CHD9: variants seen among roughly 807,000 people sequenced by gnomAD.
The protein encoded by CHD9 is ATP-dependent chromatin remodeler CHD9.
A neutral mutation model predicts 316.1 loss-of-function variants in CHD9; 77 were observed. The ratio of observed to expected loss-of-function variants is 0.24; its 90% CI spans 0.20 to 0.29. The LOEUF (loss-of-function observed/expected upper bound fraction) is 0.29, where lower values mean the gene tolerates loss of function less well. Ranked by LOEUF, CHD9 falls within the 10% of genes least tolerant of loss-of-function variation. The probability of loss-of-function intolerance (pLI) is 1.00; values close to 1 mark genes in which losing one functional copy is unlikely to be tolerated. For missense variants in CHD9, 2,763 were observed against 3,438.1 expected, an observed-to-expected ratio of 0.80 and a Z score of 4.91; for synonymous variants, 1,129 against 1,158.3, an observed-to-expected ratio of 0.97 and a Z score of 0.51.
intron 2 of CHD9, among the ~76,000 whole-genome samples, chr16:53,197,486 A>G (rs1187931635): frequency 6.6e-6 from 1 of 152,100 alleles, no homozygotes; most frequent in African/African-American, 2.4e-5. Flanking sequence ...TATAACTAGG[A>G]AAGTATTTTA....
At chr16:53,179,426 T>G (rs1338593077) in intron 2 of CHD9, among the ~76,000 whole-genome samples, 1 of 152,192 alleles carries the variant, frequency 6.6e-6, no homozygotes, top group Non-Finnish European at 1.5e-5. Context: ...GAGCCATGTT[T>G]ATTAATTGTT....
chr16:53,245,868 CA>C lies in CHD9; in HGVS notation c.3454+20del. 6.9e-7 allele frequency: 1 copy of C among 1,455,034 alleles called. No homozygotes were observed. The highest frequency in any genetic ancestry group is 1.6e-5 in the South Asian group (1 of 64,284). The allele number at this position is 1,455,034 out of a possible 1,614,324, so 90.1% of individuals were successfully genotyped here. A position where few individuals can be genotyped will look rare whatever the true frequency, so the allele number is the denominator to read the frequency against. On this transcript the variant is annotated intron_variant, in intron 15 of 38. Coordinates refer to ENST00000447540, the MANE Select transcript of CHD9 (RefSeq NM_001308319.2). This position sits in a 1 kb window ranked among gnomAD's most constrained non-coding sequence, Gnocchi z 4.1. Reference sequence around the variant, plus strand: ...TATAAAAGGTAGCTAAAAAAGATTACAACAAATATGTTTTTTCTTGCAACAA... The same window carrying C: ...TATAAAAGGTAGCTAAAAAAGATTACACAAATATGTTTTTTCTTGCAACAA...
intron 2 of CHD9, among the ~76,000 whole-genome samples, chr16:53,193,523 AT>A (rs1460349897): frequency 6.6e-6 from 1 of 152,062 alleles, no homozygotes. Flanking sequence ...TTGAATTTGT[AT>A]TTCCCTAATG....
intron 1 of CHD9, among the ~76,000 whole-genome samples, chr16:53,063,321 G>A (rs2033130253): frequency 6.7e-6 from 1 of 149,924 alleles, no homozygotes. Flanking sequence ...CCAGATTTGT[G>A]CTCTAAATTG....
chr16:53,200,428 A>T (rs576854042), intron 2 of CHD9, among the ~76,000 whole-genome samples: 7 of 151,734 alleles, frequency 4.6e-5, no homozygotes, highest in African/African-American at 1.7e-4. Flanking sequence ...GGATACCTGT[A>T]ATCCCCGCTA....
At chr16:53,079,282 G>C (rs1197162054) in intron 1 of CHD9, among the ~76,000 whole-genome samples, 5 of 152,118 alleles carry the variant, frequency 3.3e-5, no homozygotes, top group African/African-American at 1.2e-4. Context: ...GGTAAGCTGT[G>C]GTCAGCTTGG....
chr16:53,228,939 G>A (rs1208089296), intron 7 of CHD9, 44 bp from the exon 8 acceptor site: 1 of 884,948 alleles, frequency 1.1e-6, no homozygotes, highest in African/African-American at 1.7e-5. Flanking sequence ...TCTTAAAATG[G>A]TTATCTGTGT....
At chr16:53,200,545 G>T (rs946854393) in intron 2 of CHD9, among the ~76,000 whole-genome samples, 1 of 152,072 alleles carries the variant, frequency 6.6e-6, no homozygotes, top group Admixed American at 6.6e-5. Flanking sequence ...AAATTAAAAG[G>T]AAGAAGAGAC....
At chr16:53,063,929 G>A (rs2033237710) in intron 1 of CHD9, among the ~76,000 whole-genome samples, 1 of 151,074 alleles carries the variant, frequency 6.6e-6, no homozygotes, top group South Asian at 2.1e-4. Flanking sequence ...AAACTCCTAG[G>A]CTCTGGCCAT....
At chr16:53,120,144 A>T (rs2038627853) in intron 1 of CHD9, among the ~76,000 whole-genome samples, 1 of 152,168 alleles carries the variant, frequency 6.6e-6, no homozygotes, top group Admixed American at 6.6e-5. Flanking sequence ...AGGTAAGAGG[A>T]TCGCTTGAGC....
chr16:53,056,188 G>A (rs146746522), intron 1 of CHD9, among the ~76,000 whole-genome samples: 295 of 152,250 alleles, frequency 1.9e-3, no homozygotes, highest in African/African-American at 6.6e-3. Context: ...GCTGCGCCCC[G>A]CTGACCCCTT....
At chr16:53,319,811 A>AAC in intron 37 of CHD9, 1 of 1,264,670 alleles carries the variant, frequency 7.9e-7, no homozygotes, top group Non-Finnish European at 1.0e-6. Context: ...TCTCGGGTAC[A>AAC]GGCTTAAGGA....
Position 53,166,895 on chromosome 16 carries a change from T to C in CHD9, c.1452+9354T>C, listed in dbSNP as rs572188433. ...TTTGTATGCCTGAAAACAGTACAGG[T>C]TTACATTGACCATTTCATGGGTTCA... On this transcript the variant is annotated intron_variant, in intron 2 of 38. Transcript: ENST00000447540. Among the ~76,000 whole-genome samples the C allele has an allele frequency of 8.1e-4, 124 of 152,252 alleles. 1 individual carries two copies. The highest frequency in any genetic ancestry group is 1.7e-3 in the Non-Finnish European group (116 of 67,964).
At chr16:53,161,462 T>C (rs1415769980) in intron 2 of CHD9, among the ~76,000 whole-genome samples, 1 of 152,166 alleles carries the variant, frequency 6.6e-6, no homozygotes, top group Admixed American at 6.5e-5. Flanking sequence ...TGGAAAGAAA[T>C]TTTTTTCTGG....
intron 1 of CHD9, among the ~76,000 whole-genome samples, chr16:53,078,055 C>T (rs949883018): frequency 2.4e-4 from 37 of 151,904 alleles, no homozygotes; most frequent in African/African-American, 7.7e-4. Context: ...GCATGGGCAA[C>T]AAAATGAAAC....
intron 37 of CHD9, among the ~76,000 whole-genome samples, chr16:53,319,316 A>G (rs2057105270): frequency 6.6e-6 from 1 of 152,214 alleles, no homozygotes; most frequent in Non-Finnish European, 1.5e-5. Flanking sequence ...TGTTAAATGC[A>G]CTCACTGCTA....
At chr16:53,211,844 A>G (rs1456038295) in intron 3 of CHD9, among the ~76,000 whole-genome samples, 1 of 152,174 alleles carries the variant, frequency 6.6e-6, no homozygotes, top group Non-Finnish European at 1.5e-5. Context: ...CCAATGAAAT[A>G]TTTCATTACT....
At chr16:53,232,939 T>C (rs946354806) in intron 10 of CHD9, among the ~76,000 whole-genome samples, 9 of 152,188 alleles carry the variant, frequency 5.9e-5, no homozygotes, top group Non-Finnish European at 1.0e-4. Context: ...ACTGTGTTTT[T>C]CCTCTGCTCT....
intron 4 of CHD9, among the ~76,000 whole-genome samples, chr16:53,224,540 T>G (rs1037740965): frequency 6.6e-6 from 1 of 152,180 alleles, no homozygotes; most frequent in African/African-American, 2.4e-5. Context: ...TTTGTGAGCT[T>G]AAAAGATTCT....
Sources: gnomAD v4.1 joint callset for allele counts (sites outside exome capture counted in the v4.1 genomes callset) on GRCh38, gnomAD v4.1.1 for gene constraint, Gnocchi (gnomAD v3.1) non-coding constraint, MANE v1.5 for transcripts, NCBI Gene and HGNC (gene_info 2026-07-23, HGNC 2026-07-21) for gene names.